The following CATSPERE variants were observed in gnomAD, a reference collection of about 807,000 sequenced individuals.
CATSPERE encodes catsper channel auxiliary subunit epsilon, also known as cation channel sperm-associated auxiliary subunit epsilon.
Under a neutral mutation model 114.1 loss-of-function variants are expected in CATSPERE, and 93 were observed. That is an observed-to-expected ratio of 0.81 (90% CI 0.69 to 0.97). The LOEUF is 0.97. Among genes scored for constraint, CATSPERE ranks in the 50% least tolerant of loss-of-function variants. The pLI, the probability that CATSPERE is intolerant of heterozygous loss-of-function variation, is 0.00. For synonymous variants in CATSPERE, 341 were observed against 384.1 expected (o/e 0.89, Z 1.31); for missense variants, 1,058 against 1,131.6 (o/e 0.93, Z 0.93).
chr1:244,490,508 A>G (rs1485268295), intron 6 of CATSPERE, 37 bp downstream of exon 6: 1 of 1,169,898 alleles, frequency 8.5e-7, no homozygotes, highest in Non-Finnish European at 1.3e-6. Context: ...GCCTTCATAT[A>G]TCACTAGTAT....
chr1:244,530,516 C>A (rs1356871380), intron 8 of CATSPERE, among the ~76,000 whole-genome samples: 1 of 151,938 alleles, frequency 6.6e-6, no homozygotes, highest in Non-Finnish European at 1.5e-5. Context: ...TTGGTGGGTT[C>A]TGTAAAAATT....
At chr1:244,542,518 T>G (rs1174339467) in intron 8 of CATSPERE, among the ~76,000 whole-genome samples, 1 of 152,134 alleles carries the variant, frequency 6.6e-6, no homozygotes, top group Non-Finnish European at 1.5e-5. Flanking sequence ...GTCTATTATT[T>G]CCATCTTTAT....
chr1:244,579,723 G>T (rs1194735682), intron 11 of CATSPERE, among the ~76,000 whole-genome samples: 1 of 152,132 alleles, frequency 6.6e-6, no homozygotes, highest in Non-Finnish European at 1.5e-5. Flanking sequence ...TACAAAATTT[G>T]CATTTCTAAT....
At chr1:244,483,976 G>GT (rs1203709633) in intron 5 of CATSPERE, among the ~76,000 whole-genome samples, 1 of 152,046 alleles carries the variant, frequency 6.6e-6, no homozygotes, top group African/African-American at 2.4e-5. Context: ...CCTGGAATCA[G>GT]TTTTTGTACA....
chr1:244,491,793 C>T (rs2148233396), intron 6 of CATSPERE, among the ~76,000 whole-genome samples: 1 of 152,254 alleles, frequency 6.6e-6, no homozygotes, highest in Admixed American at 6.5e-5. Flanking sequence ...ATACAAACTA[C>T]CATCAGAGAA....
At chr1:244,630,385 C>T (rs1480694117) in intron 20 of CATSPERE, among the ~76,000 whole-genome samples, 1 of 152,092 alleles carries the variant, frequency 6.6e-6, no homozygotes, top group Non-Finnish European at 1.5e-5. Context: ...GTTGGAATAG[C>T]AGTTTGTTAA....
chr1:244,580,398 T>C (rs921889846), intron 11 of CATSPERE, among the ~76,000 whole-genome samples: 1 of 152,076 alleles, frequency 6.6e-6, no homozygotes, highest in Admixed American at 6.6e-5. Context: ...TAGTATATTA[T>C]GAAAGCACCT....
chr1:244,501,417 A>G (rs968920851), intron 7 of CATSPERE, among the ~76,000 whole-genome samples: 2 of 152,232 alleles, frequency 1.3e-5, no homozygotes, highest in African/African-American at 4.8e-5. Flanking sequence ...GAAATGTATT[A>G]AAGAAAAATC....
intron 13 of CATSPERE, 83 bp downstream of exon 13, chr1:244,584,022 G>T: frequency 9.8e-7 from 1 of 1,022,466 alleles, no homozygotes. Flanking sequence ...CAATACCTCC[G>T]TACAATACCT....
chr1:244,466,229 A>G (rs1473940970), intron 2 of CATSPERE, among the ~76,000 whole-genome samples: 1 of 152,196 alleles, frequency 6.6e-6, no homozygotes, highest in Non-Finnish European at 1.5e-5. Context: ...TATTGTTAAT[A>G]TTTTATATAA....
intron 5 of CATSPERE, among the ~76,000 whole-genome samples, chr1:244,485,679 C>T (rs1051180788): frequency 4.7e-5 from 7 of 150,274 alleles, no homozygotes; most frequent in South Asian, 2.1e-4. Flanking sequence ...TCTCATTATC[C>T]ATGTCTAAAT....
At chr1:244,621,325 T>A (rs7521634) in intron 20 of CATSPERE, among the ~76,000 whole-genome samples, 352 of 11,626 alleles carry the variant, frequency 0.03, 50 homozygotes, top group Middle Eastern at 0.18. Context: ...AATATATATA[T>A]ATATATATAT....
intron 6 of CATSPERE, 129 bp downstream of exon 6, chr1:244,490,600 C>T: frequency 1.7e-6 from 1 of 595,418 alleles, no homozygotes; most frequent in South Asian, 2.2e-5. Flanking sequence ...TTAGAGTATA[C>T]CTTTCTATAA....
rs76779484 is a variant in CATSPERE at position 244,597,966 on chromosome 1, C to T, written c.2303+4388C>T. Among the ~76,000 whole-genome samples, 16 of 152,262 alleles carry T rather than the reference C, an allele frequency of 1.1e-4. No homozygotes were observed. The East Asian group carries it at 2.3e-3, about 22-fold the overall frequency. On this transcript the variant is annotated intron_variant, in intron 17 of 21. Transcript: ENST00000366534. ...GTTAAGACCAAAAACATAAACATTG[C>T]GTTCTTACCTTCAGCCCTTACCTTT...
At chr1:244,602,898 T>C (rs1435169680) in intron 17 of CATSPERE, among the ~76,000 whole-genome samples, 3 of 152,064 alleles carry the variant, frequency 2.0e-5, no homozygotes, top group Non-Finnish European at 2.9e-5. Context: ...GGGCAAGGCA[T>C]GCTCCATGGG....
At chr1:244,639,488 G>T (rs922213080) in intron 21 of CATSPERE, among the ~76,000 whole-genome samples, 3 of 152,090 alleles carry the variant, frequency 2.0e-5, no homozygotes, top group Admixed American at 6.5e-5. Context: ...TCAGGAGTTC[G>T]AGACCAGCCT....
chr1:244,460,516 C>T (rs1432903645), upstream of CATSPERE, among the ~76,000 whole-genome samples: 1 of 152,236 alleles, frequency 6.6e-6, no homozygotes, highest in Non-Finnish European at 1.5e-5. Flanking sequence ...ACCAAGTTAT[C>T]CTTAAAAACT....
chr1:244,505,942 G>C (rs1460589817), intron 7 of CATSPERE, among the ~76,000 whole-genome samples: 1 of 152,084 alleles, frequency 6.6e-6, no homozygotes, highest in Non-Finnish European at 1.5e-5. Context: ...GGAGGCGGAG[G>C]TTGCAGTAAA....
chr1:244,584,603 A>G (rs563297391), intron 13 of CATSPERE, among the ~76,000 whole-genome samples: 1 of 151,556 alleles, frequency 6.6e-6, no homozygotes, highest in African/African-American at 2.4e-5. Context: ...CTTTGAGTCT[A>G]TATTTCACAC....
Sources: gnomAD v4.1 joint callset for allele counts (sites outside exome capture counted in the v4.1 genomes callset) on GRCh38, gnomAD v4.1.1 for gene constraint, MANE v1.5 for transcripts, NCBI Gene and HGNC (gene_info 2026-07-23, HGNC 2026-07-21) for gene names.